Variants in CSMD1 observed in about 807,000 individuals in gnomAD.
CSMD1 encodes CUB and Sushi multiple domains 1.
CSMD1 carries 213 observed loss-of-function variants against 417.5 expected under a neutral mutation model. The observed-to-expected ratio is 0.51, with a 90% confidence interval of 0.46 to 0.57. The LOEUF (loss-of-function observed/expected upper bound fraction) is 0.57. CSMD1 is among the 20% of genes least tolerant of loss of function. CSMD1 has a pLI of 0.00. For synonymous variants in CSMD1, 2,862 were observed against 1,736.8 expected (o/e 1.65, Z -16.11); for missense variants, 6,923 against 4,529.7 (o/e 1.53, Z -15.17).
At chr8:4,062,120 C>G (rs897141405) in intron 3 of CSMD1, among the ~76,000 whole-genome samples, 1 of 152,042 alleles carries the variant, frequency 6.6e-6, no homozygotes, top group African/African-American at 2.4e-5. Context: ...GGAGGGTCAG[C>G]AGAGGGTCAG....
intron 1 of CSMD1, among the ~76,000 whole-genome samples, chr8:4,838,190 C>G (rs1388926229): frequency 6.6e-6 from 1 of 152,172 alleles, no homozygotes; most frequent in African/African-American, 2.4e-5. Flanking sequence ...GTGCAGTGTT[C>G]TCCCCGCTCT....
At chr8:3,862,711 A>C (rs376748877) in intron 5 of CSMD1, among the ~76,000 whole-genome samples, 1 of 152,316 alleles carries the variant, frequency 6.6e-6, no homozygotes, top group East Asian at 1.9e-4. Context: ...ATGATCTCCA[A>C]AACAACTGAG....
chr8:2,950,742 C>T (rs1802570905), intron 66 of CSMD1, among the ~76,000 whole-genome samples: 1 of 151,982 alleles, frequency 6.6e-6, no homozygotes, highest in African/African-American at 2.4e-5. Flanking sequence ...CCATATAAAT[C>T]GAGGCTGTTT....
intron 5 of CSMD1, among the ~76,000 whole-genome samples, chr8:3,785,995 A>C (rs1389020960): frequency 1.3e-5 from 2 of 152,194 alleles, no homozygotes; most frequent in African/African-American, 4.8e-5. Flanking sequence ...CTGAGTACTT[A>C]GGCTGGGCTG....
At chr8:3,691,672 G>A (rs995620786) in intron 7 of CSMD1, among the ~76,000 whole-genome samples, 2 of 152,092 alleles carry the variant, frequency 1.3e-5, no homozygotes, top group African/African-American at 4.8e-5. Context: ...ACTGGGCTAA[G>A]TATTTTTTAT....
At chr8:3,033,102 T>C (rs1234324549) in intron 50 of CSMD1, among the ~76,000 whole-genome samples, 5 of 143,348 alleles carry the variant, frequency 3.5e-5, no homozygotes, top group Admixed American at 2.1e-4. Flanking sequence ...CTACAGTTTC[T>C]ATAAAAAAAA....
intron 8 of CSMD1, among the ~76,000 whole-genome samples, chr8:3,615,340 T>A (rs1055632379): frequency 6.6e-6 from 1 of 152,186 alleles, no homozygotes; most frequent in Admixed American, 6.5e-5. Flanking sequence ...AAAAACATCC[T>A]TCTGCTTAGC....
At chr8:4,606,752 T>C (rs1193695927) in intron 2 of CSMD1, among the ~76,000 whole-genome samples, 2 of 152,220 alleles carry the variant, frequency 1.3e-5, no homozygotes, top group Non-Finnish European at 2.9e-5. Context: ...AGACCTTTTA[T>C]GAAGGGATAG....
At chr8:3,191,528 A>T (rs1170686476) in intron 33 of CSMD1, among the ~76,000 whole-genome samples, 1 of 152,116 alleles carries the variant, frequency 6.6e-6, no homozygotes, top group Non-Finnish European at 1.5e-5. Context: ...GTTCTGTAAA[A>T]TGGGAGGCCT....
intron 7 of CSMD1, among the ~76,000 whole-genome samples, chr8:3,684,743 T>C (rs1157993633): frequency 6.6e-6 from 1 of 152,010 alleles, no homozygotes; most frequent in Non-Finnish European, 1.5e-5. Context: ...TGGGACCTGA[T>C]ACAGTTTTAA....
intron 1 of CSMD1, among the ~76,000 whole-genome samples, chr8:4,784,181 T>C (rs866934650): frequency 2.0e-5 from 3 of 152,354 alleles, no homozygotes; most frequent in South Asian, 2.1e-4. Context: ...TAAAAGTTTG[T>C]TCTTACAAAA....
chr8:4,491,012 G>C (rs559920690), intron 2 of CSMD1, among the ~76,000 whole-genome samples: 3 of 152,254 alleles, frequency 2.0e-5, no homozygotes, highest in East Asian at 1.9e-4. Context: ...ATTGAGGCTA[G>C]GGACATGTAG....
intron 18 of CSMD1, among the ~76,000 whole-genome samples, chr8:3,370,263 A>G (rs954815107): frequency 9.9e-5 from 15 of 152,200 alleles, no homozygotes; most frequent in African/African-American, 3.6e-4. Flanking sequence ...AAGCTATCCT[A>G]TGAATGGAAG....
chr8:3,890,783 T>C (rs1806918072), intron 5 of CSMD1, among the ~76,000 whole-genome samples: 1 of 152,146 alleles, frequency 6.6e-6, no homozygotes, highest in South Asian at 2.1e-4. Context: ...CAAATTTTTG[T>C]CCTCAGACAT....
chr8:3,190,798 C>T (rs902913330), intron 33 of CSMD1, among the ~76,000 whole-genome samples: 7 of 152,182 alleles, frequency 4.6e-5, no homozygotes, highest in Non-Finnish European at 1.0e-4. Flanking sequence ...AGAAATTCTG[C>T]TATTTGTAAT....
At chr8:4,316,019 A>G (rs1798906477) in intron 3 of CSMD1, among the ~76,000 whole-genome samples, 1 of 152,150 alleles carries the variant, frequency 6.6e-6, no homozygotes, top group African/African-American at 2.4e-5. Context: ...ATATTCAGGC[A>G]TTATTGAAAT....
intron 2 of CSMD1, among the ~76,000 whole-genome samples, chr8:4,538,640 C>T (rs1051593703): frequency 6.6e-6 from 1 of 151,498 alleles, no homozygotes; most frequent in Non-Finnish European, 1.5e-5. Flanking sequence ...AAGACTCCAT[C>T]TCAAAAAAAA....
chr8:4,584,868 G>A (rs1439221731), intron 2 of CSMD1, among the ~76,000 whole-genome samples: 1 of 152,012 alleles, frequency 6.6e-6, no homozygotes, highest in Non-Finnish European at 1.5e-5. Context: ...TATTTAGATT[G>A]GATCAACTGT....
At chr8:4,193,471 T>C (rs574324897) in intron 3 of CSMD1, among the ~76,000 whole-genome samples, 16 of 151,790 alleles carry the variant, frequency 1.1e-4, no homozygotes, top group Admixed American at 3.9e-4. Context: ...CTGGATGGAA[T>C]GATGGACATT....
Sources: gnomAD v4.1 joint callset for allele counts (sites outside exome capture counted in the v4.1 genomes callset) on GRCh38, gnomAD v4.1.1 for gene constraint, MANE v1.5 for transcripts, NCBI Gene and HGNC (gene_info 2026-07-23, HGNC 2026-07-21) for gene names.